Variants in ARL8B observed in about 807,000 individuals in gnomAD.
ARL8B encodes the protein ARF like GTPase 8B.
In ARL8B, 9 loss-of-function variants were observed where a neutral mutation model predicts 30.6. The observed-to-expected ratio is 0.29, with a 90% CI of 0.18 to 0.51. ARL8B has a LOEUF of 0.51. ARL8B is among the 20% of genes least tolerant of loss of function. ARL8B has a pLI of 0.97. For missense variants in ARL8B, 130 were observed against 227.2 expected (o/e 0.57, Z 2.75); for synonymous variants, 74 against 76.0 (o/e 0.97, Z 0.14).
intron 1 of ARL8B, among the ~76,000 whole-genome samples, chr3:5,138,608 C>T (rs2054346863): frequency 2.6e-5 from 4 of 152,184 alleles, no homozygotes; most frequent in Admixed American, 2.0e-4. Context: ...GCAGTCATCA[C>T]ATGTGATTGA....
intron 1 of ARL8B, among the ~76,000 whole-genome samples, chr3:5,136,901 C>T (rs1263964091): frequency 2.6e-5 from 4 of 152,146 alleles, no homozygotes; most frequent in Admixed American, 6.5e-5. Flanking sequence ...TGCCCTAACT[C>T]GTCTCCTCAC....
intron 1 of ARL8B, among the ~76,000 whole-genome samples, chr3:5,159,288 ACT>A (rs1491093658): frequency 9.7e-6 from 1 of 103,410 alleles, no homozygotes; most frequent in Non-Finnish European, 1.8e-5. Flanking sequence ...TGACAGAGTG[ACT>A]CTGTCTCAAA....
At chr3:5,155,210 C>A (rs1003609208) in intron 1 of ARL8B, among the ~76,000 whole-genome samples, 1 of 152,092 alleles carries the variant, frequency 6.6e-6, no homozygotes, top group East Asian at 1.9e-4. Context: ...TTTGTTTTTT[C>A]ATTTAGCACT....
At chr3:5,125,346 A>AT (rs2054221187) in intron 1 of ARL8B, among the ~76,000 whole-genome samples, 1 of 152,284 alleles carries the variant, frequency 6.6e-6, no homozygotes, top group South Asian at 2.1e-4. Flanking sequence ...CTCAACTGGT[A>AT]TCATTTTCTA....
At chr3:5,135,881 G>T (rs2054321235) in intron 1 of ARL8B, among the ~76,000 whole-genome samples, 1 of 151,148 alleles carries the variant, frequency 6.6e-6, no homozygotes, top group Non-Finnish European at 1.5e-5. Flanking sequence ...CCACCTCCCA[G>T]GTTCACGCGA....
At chr3:5,170,461 T>C (rs1164574795) in intron 1 of ARL8B, 42 bp from the exon 2 acceptor site, 7 of 1,404,226 alleles carry the variant, frequency 5.0e-6, no homozygotes, top group Non-Finnish European at 7.0e-6. Flanking sequence ...GCAGTGTCAT[T>C]ATAAGTGAGT....
At chr3:5,175,522 C>T (rs2054721990) in intron 6 of ARL8B, among the ~76,000 whole-genome samples, 2 of 152,192 alleles carry the variant, frequency 1.3e-5, no homozygotes, top group African/African-American at 4.8e-5. Flanking sequence ...TATGTTAGCA[C>T]TCTATTGGAA....
intron 6 of ARL8B, among the ~76,000 whole-genome samples, chr3:5,178,186 C>G (rs1469969888): frequency 6.6e-6 from 1 of 152,130 alleles, no homozygotes; most frequent in Non-Finnish European, 1.5e-5. Context: ...GTATCACTCA[C>G]AATCCATCCA....
chr3:5,175,536 T>C (rs1307179168), intron 6 of ARL8B, among the ~76,000 whole-genome samples: 1 of 152,258 alleles, frequency 6.6e-6, no homozygotes, highest in Non-Finnish European at 1.5e-5. Flanking sequence ...ATTGGAATTA[T>C]ATGCCCAAAA....
chr3:5,137,899 T>A (rs188048284), intron 1 of ARL8B, among the ~76,000 whole-genome samples: 3 of 152,284 alleles, frequency 2.0e-5, no homozygotes, highest in Admixed American at 2.0e-4. Flanking sequence ...GGTTTCTGAT[T>A]CTGATTCTTC....
At chr3:5,175,870 A>C (rs140668268) in intron 6 of ARL8B, among the ~76,000 whole-genome samples, 1 of 152,320 alleles carries the variant, frequency 6.6e-6, no homozygotes, top group African/African-American at 2.4e-5. Context: ...TAAGGACGCA[A>C]GTCACTGGAT....
At chr3:5,160,119 C>T (rs1021238404) in intron 1 of ARL8B, among the ~76,000 whole-genome samples, 13 of 152,236 alleles carry the variant, frequency 8.5e-5, no homozygotes, top group Non-Finnish European at 1.6e-4. Context: ...TTATGGCCGA[C>T]CTTTGATTTT....
intron 1 of ARL8B, among the ~76,000 whole-genome samples, chr3:5,169,780 T>C (rs978778254): frequency 1.3e-5 from 2 of 152,244 alleles, no homozygotes; most frequent in African/African-American, 4.8e-5. Flanking sequence ...CTGAGAATTA[T>C]AATGTCTTAT....
chr3:5,163,753 C>T (rs1438122210), intron 1 of ARL8B, among the ~76,000 whole-genome samples: 3 of 152,036 alleles, frequency 2.0e-5, no homozygotes, highest in African/African-American at 7.3e-5. Context: ...GCGTGTAATC[C>T]CAGCTACTCG....
chr3:5,135,560 A>G (rs1463424336), intron 1 of ARL8B, among the ~76,000 whole-genome samples: 40 of 141,202 alleles, frequency 2.8e-4, no homozygotes, highest in Middle Eastern at 4.4e-3. Context: ...CCAGGTTCAA[A>G]CGATTCTCCT....
rs2054755001 is a variant in ARL8B at position 5,179,075 on chromosome 3, A to G, written c.*362A>G. On this transcript the variant is annotated 3_prime_UTR_variant, in exon 7 of 7. Coordinates refer to ENST00000256496, the MANE Select transcript of ARL8B (RefSeq NM_018184.3). ...CAGATTTTTATATTGGTTTTCAGTA[A>G]ATGTCTATCTATAATATTTCATTAT... 1 of 174,178 alleles carries G rather than the reference A, an allele frequency of 5.7e-6. No individual in the cohort carries two copies. The highest frequency in any genetic ancestry group is 2.4e-5 in the African/African-American group (1 of 42,144). The allele number at this position is 174,178 out of a possible 1,614,324, so 10.8% of individuals were successfully genotyped here. A position where few individuals can be genotyped will look rare whatever the true frequency, so the allele number is the denominator to read the frequency against.
rs1255449228 is a variant in ARL8B at position 5,180,341 on chromosome 3, C to G, written c.*1628C>G. ...TTCTTTGAAGCATGTTGCATACTAC[C>G]CTGGTGGGATGGATGGTTCTGTAAA... is the stretch of plus-strand genomic sequence containing the variant. On this transcript the variant is annotated 3_prime_UTR_variant, in exon 7 of 7. Coordinates refer to ENST00000256496, the MANE Select transcript of ARL8B (RefSeq NM_018184.3). 6.6e-6 allele frequency: 1 copy of G among 152,206 alleles called. No individual in the cohort carries two copies. The highest frequency in any genetic ancestry group is 1.5e-5 in the Non-Finnish European group (1 of 68,020). The allele number at this position is 152,206 out of a possible 1,614,324, so 9.4% of individuals were successfully genotyped here.
intron 1 of ARL8B, among the ~76,000 whole-genome samples, chr3:5,140,860 AT>A (rs1296270620): frequency 6.6e-6 from 1 of 152,204 alleles, no homozygotes; most frequent in Non-Finnish European, 1.5e-5. Context: ...AACCCAAAGA[AT>A]GGACTTGGAG....
chr3:5,144,634 C>A (rs1458810249), intron 1 of ARL8B, among the ~76,000 whole-genome samples: 4 of 152,182 alleles, frequency 2.6e-5, no homozygotes, highest in Admixed American at 2.6e-4. Context: ...TTCTGGTAAA[C>A]TGGGGCCTTA....
Sources: gnomAD v4.1 joint callset for allele counts (sites outside exome capture counted in the v4.1 genomes callset) on GRCh38, gnomAD v4.1.1 for gene constraint, MANE v1.5 for transcripts, NCBI Gene and HGNC (gene_info 2026-07-23, HGNC 2026-07-21) for gene names.